Variants in ITPK1 observed in about 807,000 individuals in gnomAD.
The protein encoded by ITPK1 is inositol 1,3,4-trisphosphate 5/6-kinase.
Under a neutral mutation model 45.3 loss-of-function variants are expected in ITPK1, and 21 were observed. The observed-to-expected ratio is 0.46, with a 90% CI of 0.33 to 0.67. ITPK1 has a LOEUF of 0.67. Ranked by LOEUF, ITPK1 falls within the 30% of genes least tolerant of loss-of-function variation. ITPK1 has a pLI of 0.02. For missense variants in ITPK1, 474 were observed against 573.5 expected (o/e 0.83, Z 1.77); for synonymous variants, 258 against 253.6 (o/e 1.02, Z -0.16).
chr14:92,948,077 A>G (rs1595076807), intron 9 of ITPK1, among the ~76,000 whole-genome samples: 1 of 152,352 alleles, frequency 6.6e-6, no homozygotes, highest in African/African-American at 2.4e-5. Flanking sequence ...TGCTGAGTGC[A>G]GGAACCCAGA....
intron 4 of ITPK1, among the ~76,000 whole-genome samples, chr14:93,011,046 A>C (rs1452637417): frequency 1.3e-5 from 2 of 152,256 alleles, no homozygotes. Context: ...TGCTAACAAT[A>C]ACCCTACAAG....
At chr14:93,069,944 T>C (rs917202341) in intron 3 of ITPK1, 28 of 152,210 alleles carry the variant, frequency 1.8e-4, no homozygotes, top group African/African-American at 6.8e-4. Context: ...AGAACTTACT[T>C]ACTTCCTTGC....
intron 5 of ITPK1, among the ~76,000 whole-genome samples, chr14:92,977,383 T>C (rs1162965815): frequency 6.6e-6 from 1 of 152,210 alleles, no homozygotes; most frequent in Non-Finnish European, 1.5e-5. Flanking sequence ...TGCCCAAAGA[T>C]GGAACTCTTG....
Position 93,114,911 on chromosome 14 carries a change from CGCCACCTGGCT to C in ITPK1, c.95+147_95+157del, listed in dbSNP as rs1001134004. Among the ~76,000 whole-genome samples the C allele has an allele frequency of 7.9e-5, 12 of 152,040 alleles. No homozygotes were observed. The East Asian group carries it at 2.1e-3, about 27-fold the overall frequency. On this transcript the variant is annotated intron_variant, in intron 2 of 10. Transcript: ENST00000267615. ...CTGGAACGCGGCCGGCGGCCGCCACCGCCACCTGGCTGCTCGGACTCAGTCTCCCCGCGCGC... is the reference window on the plus strand; with the variant it reads ...CTGGAACGCGGCCGGCGGCCGCCACCGCTCGGACTCAGTCTCCCCGCGCGC...
intron 5 of ITPK1, among the ~76,000 whole-genome samples, chr14:92,985,314 C>G (rs575563942): frequency 8.5e-5 from 13 of 152,058 alleles, no homozygotes; most frequent in African/African-American, 2.7e-4. Context: ...TTAGGTCTTT[C>G]AATTATTGAA....
chr14:92,946,036 G>C (rs1250681356), intron 10 of ITPK1, among the ~76,000 whole-genome samples: 1 of 152,186 alleles, frequency 6.6e-6, no homozygotes, highest in Non-Finnish European at 1.5e-5. Flanking sequence ...GGAGGGCCTG[G>C]GGGAGGGGCT....
chr14:92,983,758 C>T (rs1886338760), intron 5 of ITPK1, among the ~76,000 whole-genome samples: 1 of 152,064 alleles, frequency 6.6e-6, no homozygotes, highest in Non-Finnish European at 1.5e-5. Context: ...TGAGAAATCC[C>T]ACTTCTAGGG....
intron 5 of ITPK1, among the ~76,000 whole-genome samples, chr14:92,980,621 C>T (rs914794729): frequency 6.6e-6 from 1 of 152,178 alleles, no homozygotes; most frequent in African/African-American, 2.4e-5. Flanking sequence ...TTGGCCCAGG[C>T]TGGGGACTTA....
At chr14:93,101,272 C>T (rs565751652) in intron 2 of ITPK1, among the ~76,000 whole-genome samples, 2 of 152,318 alleles carry the variant, frequency 1.3e-5, no homozygotes, top group African/African-American at 2.4e-5. Flanking sequence ...AACCCTTACA[C>T]GCAAAGGCCT....
Position 93,012,849 on chromosome 14 carries a change from G to T in ITPK1, c.246+3827C>A, listed in dbSNP as rs953388542. 6.6e-5 allele frequency among the ~76,000 whole-genome samples: 10 copies of T among 152,322 alleles called. No homozygotes were observed. In the South Asian group the frequency reaches 8.3e-4, roughly 13 times the overall value. ...AGGGAGAACCCCAGGAAGGTCCCCC[G>T]AGGCAGCCCCACATGGCCCATGGAT... On this transcript the variant is annotated intron_variant, in intron 4 of 10. Transcript: ENST00000267615. The surrounding 1 kb of genome is among the most constrained non-coding windows in gnomAD (Gnocchi z 4.9).
Position 92,940,834 on chromosome 14 carries a change from A to G in ITPK1, c.*727T>C. On this transcript the variant is annotated 3_prime_UTR_variant, in exon 11 of 11. Coordinates refer to ENST00000267615, the MANE Select transcript of ITPK1 (RefSeq NM_014216.6). ...GCAGCCTCCTTCCCGGGCTCCAGGG[A>G]GCAGCAGTGCTGGCTTAGGGGAAGG... 7.8e-7 allele frequency: 1 copy of G among 1,287,380 alleles called. No homozygotes were observed. The allele number at this position is 1,287,380 out of a possible 1,614,324, so 79.7% of individuals were successfully genotyped here.
intron 5 of ITPK1, among the ~76,000 whole-genome samples, chr14:92,984,172 T>A (rs1163463866): frequency 6.6e-6 from 1 of 152,132 alleles, no homozygotes; most frequent in East Asian, 1.9e-4. Flanking sequence ...CTCAGGGAAG[T>A]GAGGCTGGAG....
chr14:93,037,735 A>G (rs1889380613), intron 3 of ITPK1, among the ~76,000 whole-genome samples: 1 of 152,240 alleles, frequency 6.6e-6, no homozygotes, highest in Non-Finnish European at 1.5e-5. Flanking sequence ...TGCCTCCTGC[A>G]GTGGAGATGG....
chr14:93,065,281 A>G (rs931230850), intron 3 of ITPK1, among the ~76,000 whole-genome samples: 3 of 152,180 alleles, frequency 2.0e-5, no homozygotes, highest in African/African-American at 4.8e-5. Context: ...CAAACAGAAG[A>G]GATCCTTTCA....
chr14:92,995,097 C>T (rs1886984197), intron 4 of ITPK1, among the ~76,000 whole-genome samples: 1 of 152,114 alleles, frequency 6.6e-6, no homozygotes, highest in Admixed American at 6.5e-5. Flanking sequence ...GGCAGGGAAG[C>T]TTCGCCCTCA....
chr14:93,001,154 A>G (rs999533724), intron 4 of ITPK1, among the ~76,000 whole-genome samples: 10 of 150,832 alleles, frequency 6.6e-5, no homozygotes, highest in Non-Finnish European at 1.2e-4. Flanking sequence ...TTAGCCGGGC[A>G]TGGTGGTGGG....
intron 2 of ITPK1, among the ~76,000 whole-genome samples, chr14:93,084,202 G>A (rs936361439): frequency 1.3e-5 from 2 of 152,240 alleles, no homozygotes; most frequent in East Asian, 1.9e-4. Flanking sequence ...GAAACAACGC[G>A]GGCTGAGTGG....
rs1595076474 is a variant in ITPK1 at position 92,947,690 on chromosome 14, C to G, written c.739-1197G>C. On this transcript the variant is annotated intron_variant, in intron 9 of 10. Transcript: ENST00000267615. ...GGGCAGGAACTGCATCCCGTCTCCT[C>G]TAAATCAGCCAAGGGAGGGCTCACA... 5.3e-5 allele frequency among the ~76,000 whole-genome samples: 8 copies of G among 152,324 alleles called. 1 individual carries two copies. The South Asian group carries it at 1.7e-3, about 32-fold the overall frequency.
intron 4 of ITPK1, among the ~76,000 whole-genome samples, chr14:92,996,730 G>A (rs932679216): frequency 1.3e-5 from 2 of 152,108 alleles, no homozygotes; most frequent in Non-Finnish European, 2.9e-5. Flanking sequence ...TCATGTCCTC[G>A]GTTATGAGCT....
Sources: gnomAD v4.1 joint callset for allele counts (sites outside exome capture counted in the v4.1 genomes callset) on GRCh38, gnomAD v4.1.1 for gene constraint, Gnocchi (gnomAD v3.1) non-coding constraint, MANE v1.5 for transcripts, NCBI Gene and HGNC (gene_info 2026-07-23, HGNC 2026-07-21) for gene names.